RGS7: variants seen among roughly 807,000 people sequenced by gnomAD.
RGS7 encodes regulator of G-protein signaling 7.
Under a neutral mutation model 81.1 loss-of-function variants are expected in RGS7, and 27 were observed. The ratio of observed to expected loss-of-function variants is 0.33; its 90% CI spans 0.25 to 0.46. The LOEUF (loss-of-function observed/expected upper bound fraction) is 0.46, where lower values mean the gene tolerates loss of function less well. RGS7 is among the 20% of genes least tolerant of loss of function. The pLI is 1.00. For synonymous variants in RGS7, 208 were observed against 207.7 expected, an observed-to-expected ratio of 1.00 and a Z score of -0.01; for missense variants, 396 against 607.4, an observed-to-expected ratio of 0.65 and a Z score of 3.66.
In RGS7 at chr1:241,145,527, C is replaced by T. The variant is rs149630210; in HGVS notation, c.79-46765G>A. Among the ~76,000 whole-genome samples the T allele has an allele frequency of 7.4e-3, 1,128 of 152,286 alleles. 13 individuals are homozygous for T. The highest frequency in any genetic ancestry group is 0.026 in the African/African-American group (1,072 of 41,558). On this transcript the variant is annotated intron_variant, in intron 2 of 18. Coordinates refer to ENST00000440928, the MANE Select transcript of RGS7 (RefSeq NM_001364886.1). The stretch of plus-strand genomic sequence containing the variant: ...TCTATGGGCCAGACGTGATGGTTCA[C>T]GTCTGTAATCCCAGCACTTTGGGAG...
intron 3 of RGS7, among the ~76,000 whole-genome samples, chr1:240,990,643 T>A (rs1686322888): frequency 1.3e-5 from 2 of 152,232 alleles, no homozygotes. Context: ...CTAGAGAAAA[T>A]TATTCAGTTT....
rs545078023 is a variant in RGS7, at chr1:240,831,501, G to A, written c.610-4329C>T. On this transcript the variant is annotated intron_variant, in intron 9 of 18. Coordinates refer to ENST00000440928, the MANE Select transcript of RGS7 (RefSeq NM_001364886.1). ...TGGTGAGTTACAGAAATGAAGGCACGAGCCCTATCCCAGTAACTTCCTGAT... is the reference window on the plus strand; with the variant it reads ...TGGTGAGTTACAGAAATGAAGGCACAAGCCCTATCCCAGTAACTTCCTGAT... Among the ~76,000 whole-genome samples, 7 of 152,142 alleles carry A rather than the reference G, an allele frequency of 4.6e-5. No homozygotes were observed. In the South Asian group the frequency reaches 6.2e-4, roughly 14 times the overall value.
chr1:241,310,367 G>A (rs1231757973), intron 2 of RGS7, among the ~76,000 whole-genome samples: 2 of 143,514 alleles, frequency 1.4e-5, no homozygotes, highest in African/African-American at 5.5e-5. Context: ...GTGTGAGAGT[G>A]TGTGTGTGTG....
rs530514643 is a variant in RGS7 at position 241,122,660 on chromosome 1, T to C, written c.79-23898A>G. 1.0e-4 allele frequency among the ~76,000 whole-genome samples: 13 copies of C among 130,126 alleles called. No homozygotes were observed. In the South Asian group the frequency reaches 1.3e-3, roughly 13 times the overall value. 85.4% of individuals were successfully genotyped at this position (130,126 alleles called of 152,430 possible). ...CCTGGCCAGCAAGAGAGAAACTCCA[T>C]CACAAAAAGAAAAAAAAAAAAAAAA... On this transcript the variant is annotated intron_variant, in intron 2 of 18. Transcript: ENST00000440928.
intron 2 of RGS7, among the ~76,000 whole-genome samples, chr1:241,268,767 G>C (rs191314649): frequency 6.6e-6 from 1 of 152,146 alleles, no homozygotes; most frequent in Admixed American, 6.5e-5. Flanking sequence ...CAGACACTGA[G>C]TTCAGCTTTG....
chr1:241,089,020 CATCT>C (rs1430100163), intron 3 of RGS7, among the ~76,000 whole-genome samples: 9 of 45,452 alleles, frequency 2.0e-4, no homozygotes, highest in African/African-American at 8.3e-4. Context: ...AGCAAGACTC[CATCT>C]CTCTCTCTCT....
intron 6 of RGS7, among the ~76,000 whole-genome samples, chr1:240,871,127 T>C (rs1398221089): frequency 6.6e-6 from 1 of 152,210 alleles, no homozygotes; most frequent in Non-Finnish European, 1.5e-5. Context: ...AGCCCTCTGG[T>C]AGAGTCCCAA....
intron 2 of RGS7, among the ~76,000 whole-genome samples, chr1:241,343,768 T>C (rs920072775): frequency 2.0e-5 from 3 of 152,172 alleles, no homozygotes; most frequent in African/African-American, 7.2e-5. Flanking sequence ...TAGAGATGGA[T>C]GGTGATAATG....
chr1:241,213,229 G>A (rs1421214554), intron 2 of RGS7, among the ~76,000 whole-genome samples: 2 of 152,174 alleles, frequency 1.3e-5, no homozygotes, highest in Non-Finnish European at 2.9e-5. Flanking sequence ...ATGACTGACC[G>A]TAAATCTCAC....
chr1:241,172,445 C>G (rs2070801490), intron 2 of RGS7, among the ~76,000 whole-genome samples: 1 of 152,094 alleles, frequency 6.6e-6, no homozygotes. Flanking sequence ...CATTAGCTAA[C>G]AGGACTAGGA....
chr1:241,072,526 C>T (rs756779348), intron 3 of RGS7, among the ~76,000 whole-genome samples: 2 of 152,234 alleles, frequency 1.3e-5, no homozygotes, highest in Admixed American at 6.5e-5. Flanking sequence ...GATACAGCTG[C>T]GGACCGTAAA....
At chr1:241,294,238 A>G (rs1020300925) in intron 2 of RGS7, among the ~76,000 whole-genome samples, 4 of 152,082 alleles carry the variant, frequency 2.6e-5, no homozygotes, top group African/African-American at 9.7e-5. Flanking sequence ...GGAGTTGAAC[A>G]ATGAGAACAC....
intron 5 of RGS7, among the ~76,000 whole-genome samples, chr1:240,932,578 A>G (rs1184128171): frequency 1.0e-4 from 14 of 134,518 alleles, no homozygotes; most frequent in South Asian, 2.3e-4. Flanking sequence ...GTGCGGTCTC[A>G]GCTCGCTGCA....
intron 15 of RGS7, 61 bp downstream of exon 15, chr1:240,806,079 T>TA: frequency 7.2e-7 from 1 of 1,386,298 alleles, no homozygotes; most frequent in Non-Finnish European, 1.0e-6. Flanking sequence ...ATAAAATGAA[T>TA]ACATCTAACG....
Position 240,934,156 on chromosome 1 carries a change from G to A in RGS7, c.333+2444C>T, listed in dbSNP as rs558626696. Among the ~76,000 whole-genome samples the A allele has an allele frequency of 5.3e-5, 8 of 152,174 alleles. No individual in the cohort carries two copies. The South Asian group carries it at 8.3e-4, about 16-fold the overall frequency. ...TTTTTGTATTTTTAGTAGAGATGAC[G>A]TTTCACCATGTTGGCCAGGATGGTC... is the stretch of plus-strand genomic sequence containing the variant. On this transcript the variant is annotated intron_variant, in intron 5 of 18. Coordinates refer to ENST00000440928, the MANE Select transcript of RGS7 (RefSeq NM_001364886.1).
chr1:241,157,124 TAA>T (rs879562914), intron 2 of RGS7, among the ~76,000 whole-genome samples: 124 of 142,686 alleles, frequency 8.7e-4, no homozygotes, highest in African/African-American at 2.9e-3. Context: ...CTGGTGGAAT[TAA>T]AAAAAAAAAA....
At chr1:241,046,986 G>C (rs1436787262) in intron 3 of RGS7, among the ~76,000 whole-genome samples, 1 of 152,130 alleles carries the variant, frequency 6.6e-6, no homozygotes, top group Non-Finnish European at 1.5e-5. Context: ...CCAAAGGCTT[G>C]TTCCTCCAAC....
At chr1:241,153,978 C>T (rs1361044697) in intron 2 of RGS7, among the ~76,000 whole-genome samples, 1 of 152,184 alleles carries the variant, frequency 6.6e-6, no homozygotes, top group East Asian at 1.9e-4. Flanking sequence ...CTTTCACATA[C>T]ATGATAAAAA....
At chr1:240,808,425 T>C (rs1485813407) in intron 14 of RGS7, among the ~76,000 whole-genome samples, 1 of 152,242 alleles carries the variant, frequency 6.6e-6, no homozygotes, top group Non-Finnish European at 1.5e-5. Flanking sequence ...TACACTGTTA[T>C]GTAAGTGCAG....
Sources: allele counts gnomAD v4.1 joint callset (sites outside exome capture counted in the v4.1 genomes callset), GRCh38; gene constraint gnomAD v4.1.1; transcripts MANE v1.5; gene names NCBI Gene and HGNC (gene_info 2026-07-23, HGNC 2026-07-21).